ZNF385D: variants seen among roughly 807,000 people sequenced by gnomAD.
ZNF385D encodes the protein zinc finger protein 385D.
A neutral mutation model predicts 35.8 loss-of-function variants in ZNF385D; 15 were observed. The observed-to-expected ratio is 0.42, with a 90% confidence interval of 0.28 to 0.64. The LOEUF is 0.64. Ranked by LOEUF, ZNF385D falls within the 30% of genes least tolerant of loss-of-function variation. ZNF385D has a pLI of 0.23. For missense variants in ZNF385D, 474 were observed against 494.6 expected (o/e 0.96, Z 0.39); for synonymous variants, 212 against 186.8 (o/e 1.13, Z -1.10).
At chr3:21,710,991 T>A (rs1383109440) in intron 1 of ZNF385D, among the ~76,000 whole-genome samples, 1 of 151,254 alleles carries the variant, frequency 6.6e-6, no homozygotes, top group Non-Finnish European at 1.5e-5. Flanking sequence ...CTTTTGTCTT[T>A]GAGCAACTTA....
At chr3:22,002,120 TAAAAAA>T (rs35194786) in intron 3 of ZNF385D, among the ~76,000 whole-genome samples, 6 of 150,174 alleles carry the variant, frequency 4.0e-5, no homozygotes, top group African/African-American at 1.5e-4. Flanking sequence ...AATAAAGACT[TAAAAAA>T]AAACACACAC....
intron 1 of ZNF385D, among the ~76,000 whole-genome samples, chr3:21,692,807 C>A (rs535073311): frequency 6.6e-6 from 1 of 152,156 alleles, no homozygotes; most frequent in South Asian, 2.1e-4. Context: ...TTTTTCAGGC[C>A]ATCACAATTC....
intron 3 of ZNF385D, among the ~76,000 whole-genome samples, chr3:21,780,014 G>A (rs942718011): frequency 6.6e-6 from 1 of 151,840 alleles, no homozygotes; most frequent in African/African-American, 2.4e-5. Flanking sequence ...AAGCAAGATG[G>A]GAACATCTAT....
chr3:21,708,880 CA>C (rs1345055676), intron 1 of ZNF385D, among the ~76,000 whole-genome samples: 1 of 151,994 alleles, frequency 6.6e-6, no homozygotes, highest in African/African-American at 2.4e-5. Context: ...CACACACACA[CA>C]CACACTAACA....
At chr3:21,560,575 G>A (rs1245066768) in intron 3 of ZNF385D, among the ~76,000 whole-genome samples, 4 of 152,108 alleles carry the variant, frequency 2.6e-5, no homozygotes, top group African/African-American at 4.8e-5. Flanking sequence ...ATGAGGTGCC[G>A]GTCGGCCCCT....
chr3:21,874,775 T>A (rs1430302827), intron 3 of ZNF385D, among the ~76,000 whole-genome samples: 1 of 152,074 alleles, frequency 6.6e-6, no homozygotes, highest in Non-Finnish European at 1.5e-5. Context: ...CCGTAAAAAA[T>A]GTTATTGAGA....
chr3:21,915,388 G>A (rs1440072288), intron 3 of ZNF385D, among the ~76,000 whole-genome samples: 1 of 152,066 alleles, frequency 6.6e-6, no homozygotes, highest in African/African-American at 2.4e-5. Context: ...AGAATTGTAA[G>A]CATGAACCAT....
chr3:22,072,729 C>T (rs1374125356), intron 3 of ZNF385D, among the ~76,000 whole-genome samples: 2 of 151,076 alleles, frequency 1.3e-5, no homozygotes, highest in Non-Finnish European at 3.0e-5. Context: ...CGAGTAAAGT[C>T]AGACAAGGAA....
At chr3:21,472,777 G>T (rs564572871) in intron 4 of ZNF385D, among the ~76,000 whole-genome samples, 2 of 152,046 alleles carry the variant, frequency 1.3e-5, no homozygotes. Flanking sequence ...TAAGGCAAAT[G>T]ACAAGCTGTA....
chr3:22,253,861 G>A (rs887171165), intron 2 of ZNF385D, among the ~76,000 whole-genome samples: 11 of 151,788 alleles, frequency 7.2e-5, no homozygotes, highest in African/African-American at 2.4e-4. Flanking sequence ...GACAAGAGAG[G>A]CATTTCAAAT....
intron 1 of ZNF385D, among the ~76,000 whole-genome samples, chr3:21,679,817 G>A (rs1426946322): frequency 1.3e-5 from 2 of 152,196 alleles, no homozygotes; most frequent in East Asian, 1.9e-4. Context: ...TAGTGAGGCA[G>A]CCTGTGAGTA....
intron 3 of ZNF385D, among the ~76,000 whole-genome samples, chr3:21,983,752 A>G (rs1328222990): frequency 3.2e-5 from 1 of 31,294 alleles, no homozygotes. Flanking sequence ...TGACTTCCAC[A>G]ATGGTTGAAC....
intron 2 of ZNF385D, among the ~76,000 whole-genome samples, chr3:22,257,905 C>G (rs561892947): frequency 6.6e-6 from 1 of 151,738 alleles, no homozygotes; most frequent in Non-Finnish European, 1.5e-5. Flanking sequence ...AATTAGGTTA[C>G]CAATGCTACA....
At chr3:22,122,186 C>G (rs1703123758) in intron 3 of ZNF385D, among the ~76,000 whole-genome samples, 1 of 152,042 alleles carries the variant, frequency 6.6e-6, no homozygotes, top group Non-Finnish European at 1.5e-5. Context: ...TGACTGCTTC[C>G]CCTTTACTAG....
chr3:21,523,561 T>G (rs1018514015), intron 3 of ZNF385D, among the ~76,000 whole-genome samples: 5 of 152,166 alleles, frequency 3.3e-5, no homozygotes, highest in Non-Finnish European at 5.9e-5. Flanking sequence ...TCAGTACCTA[T>G]TCCAATAAAA....
At chr3:21,428,699 G>A (rs1236478208) in intron 5 of ZNF385D, among the ~76,000 whole-genome samples, 1 of 151,954 alleles carries the variant, frequency 6.6e-6, no homozygotes, top group Non-Finnish European at 1.5e-5. Flanking sequence ...CATCTTGCAA[G>A]GCTGTCCCTT....
At chr3:22,161,603 C>T (rs1705955216) in intron 3 of ZNF385D, among the ~76,000 whole-genome samples, 1 of 152,000 alleles carries the variant, frequency 6.6e-6, no homozygotes, top group Admixed American at 6.6e-5. Context: ...TCCTTTCTGC[C>T]ACTTCTTTAT....
intron 4 of ZNF385D, among the ~76,000 whole-genome samples, chr3:21,491,492 A>T (rs1395725448): frequency 6.6e-6 from 1 of 152,164 alleles, no homozygotes; most frequent in Non-Finnish European, 1.5e-5. Flanking sequence ...ATCATTAAAG[A>T]TATTAATAAT....
intron 3 of ZNF385D, among the ~76,000 whole-genome samples, chr3:21,814,867 C>G (rs1575702066): frequency 6.6e-6 from 1 of 152,316 alleles, no homozygotes; most frequent in East Asian, 1.9e-4. Flanking sequence ...CACCCCAAAT[C>G]AACAGAATAT....
Sources: gnomAD v4.1 joint callset for allele counts (sites outside exome capture counted in the v4.1 genomes callset) on GRCh38, gnomAD v4.1.1 for gene constraint, MANE v1.5 for transcripts, NCBI Gene and HGNC (gene_info 2026-07-23, HGNC 2026-07-21) for gene names.